PPP2R3B: variants seen among roughly 807,000 people sequenced by gnomAD.
PPP2R3B encodes serine/threonine-protein phosphatase 2A regulatory subunit B'' subunit beta.
A neutral mutation model predicts 72.9 loss-of-function variants in PPP2R3B; 68 were observed. The observed-to-expected ratio is 0.93, with a 90% confidence interval of 0.77 to 1.14. The LOEUF (loss-of-function observed/expected upper bound fraction) is 1.14. PPP2R3B is among the 50% of genes most tolerant of loss of function. PPP2R3B has a pLI of 0.00. For missense variants in PPP2R3B, 1,018 were observed against 842.0 expected (o/e 1.21, Z -2.59); for synonymous variants, 466 against 375.8 (o/e 1.24, Z -2.78).
At chrX:339,008 C>T (rs778047853) in intron 10 of PPP2R3B, 112 bp from the exon 11 acceptor site, 60 of 852,154 alleles carry the variant, frequency 7.0e-5, no homozygotes, top group East Asian at 3.6e-4. Flanking sequence ...CACGAAGCTC[C>T]GGGCTCTCAC....
At chrX:374,287 T>A (rs951965091) in intron 1 of PPP2R3B, among the ~76,000 whole-genome samples, 1 of 151,424 alleles carries the variant, frequency 6.6e-6, no homozygotes, top group African/African-American at 2.4e-5. Flanking sequence ...GGCTTGCCCC[T>A]CCAGAGCACA....
intron 2 of PPP2R3B, among the ~76,000 whole-genome samples, chrX:350,992 T>C (rs761688795): frequency 1.3e-5 from 2 of 151,570 alleles, no homozygotes; most frequent in East Asian, 3.9e-4. Context: ...TCCTGACAGG[T>C]GCAGGGCGGG....
In PPP2R3B at chrX:345,638, T is replaced by C. The variant is rs776854513; in HGVS notation, c.914A>G (p.Asn305Ser). ...GTACGAGAAGAATTCGGTCAGCTGGTTGATGTCCGCCTCCTCCTCCAGCAG... is the reference window on the plus strand; with the variant it reads ...GTACGAGAAGAATTCGGTCAGCTGGCTGATGTCCGCCTCCTCCTCCAGCAG... Reference protein sequence around the residue: ...VALLEEEADINQLTEFFSYEH... With the variant: ...VALLEEEADISQLTEFFSYEH... Residue 305 changes from asparagine to serine, a missense_variant, in exon 7 of 13, where the codon AAC becomes AGC. Transcript: ENST00000390665. 6.2e-7 allele frequency: 1 copy of C among 1,613,014 alleles called. No individual in the cohort carries two copies. Among genetic ancestry groups the C allele is most frequent in the South Asian group, 1.1e-5 (1 of 91,068 alleles).
chrX:343,697 G>A (rs1262875398), intron 7 of PPP2R3B, among the ~76,000 whole-genome samples: 1 of 76,026 alleles, frequency 1.3e-5, no homozygotes, highest in Admixed American at 1.1e-4. Flanking sequence ...CCAACGGGAG[G>A]CGGGAGTGAG....
chrX:373,708 G>A (rs1271621126), intron 1 of PPP2R3B: 1 of 150,806 alleles, frequency 6.6e-6, no homozygotes, highest in Non-Finnish European at 1.4e-5. Context: ...CCGCGCTCTC[G>A]GGGCAGGGCC....
intron 1 of PPP2R3B, among the ~76,000 whole-genome samples, chrX:374,761 C>G (rs1047451574): frequency 2.0e-5 from 3 of 152,172 alleles, no homozygotes; most frequent in African/African-American, 7.2e-5. Flanking sequence ...GTCACTATCA[C>G]CCCGAGTCAA....
In PPP2R3B at chrX:334,182, G is replaced by T; in HGVS notation, c.*185C>A. The stretch of plus-strand genomic sequence containing the variant: ...ACGCGCGGCCCTACGTGTCCCCCTG[G>T]CACAGAGCTCTGGGCAGGTCCAGCC... On this transcript the variant is annotated 3_prime_UTR_variant, in exon 13 of 13. Transcript: ENST00000390665. The T allele has an allele frequency of 1.6e-6, 1 of 632,550 alleles. No individual in the cohort carries two copies. Among genetic ancestry groups the T allele is most frequent in the Non-Finnish European group, 2.4e-6 (1 of 418,384 alleles). 39.2% of individuals were successfully genotyped at this position (632,550 alleles called of 1,614,324 possible). A position where few individuals can be genotyped will look rare whatever the true frequency, so the allele number is the denominator to read the frequency against.
At chrX:339,145 C>CG (rs11426714) in intron 10 of PPP2R3B, among the ~76,000 whole-genome samples, 111,210 of 151,130 alleles carry the variant, frequency 0.74, 41,365 homozygotes, top group Middle Eastern at 0.84. Flanking sequence ...TGGACTGGGA[C>CG]TAGCGCAGGG....
At chrX:347,427 C>T (rs980294954) in intron 3 of PPP2R3B, 91 bp from the exon 4 acceptor site, 97 of 1,387,580 alleles carry the variant, frequency 7.0e-5, no homozygotes, top group South Asian at 1.7e-4. Flanking sequence ...TGGTGTTCCA[C>T]GTGGTGCGTG....
chrX:346,840 GGA>G (rs2071227111), intron 4 of PPP2R3B, 65 bp from the exon 5 acceptor site: 1 of 1,432,388 alleles, frequency 7.0e-7, no homozygotes, highest in Non-Finnish European at 9.7e-7. Flanking sequence ...TGTGCGGTGT[GGA>G]CGCTGCAGAC....
chrX:373,268 T>A (rs1056776966), intron 1 of PPP2R3B, among the ~76,000 whole-genome samples: 7 of 151,988 alleles, frequency 4.6e-5, no homozygotes, highest in Non-Finnish European at 1.0e-4. Flanking sequence ...AAGGAGCGAG[T>A]GCTCTTTTCA....
At chrX:343,671 C>T in intron 7 of PPP2R3B, among the ~76,000 whole-genome samples, 1 of 54,868 alleles carries the variant, frequency 1.8e-5, no homozygotes, top group Admixed American at 1.6e-4. Context: ...CAACGGGAGG[C>T]GGGAGGGAGA....
chrX:334,704 C>CG (rs1301395070), intron 12 of PPP2R3B, 187 bp from the exon 13 acceptor site: 8 of 678,204 alleles, frequency 1.2e-5, no homozygotes, highest in Non-Finnish European at 1.8e-5. Flanking sequence ...CGAATGCTCC[C>CG]GGGGGAGGGG....
rs766417071 is a variant in PPP2R3B, at chrX:338,580, C to G, written c.1577+24G>C. 6.4e-6 allele frequency: 10 copies of G among 1,562,980 alleles called. No homozygotes were observed. The Admixed American group carries it at 1.1e-4, about 17-fold the overall frequency. On this transcript the variant is annotated intron_variant, in intron 12 of 12. Coordinates refer to ENST00000390665, the MANE Select transcript of PPP2R3B (RefSeq NM_013239.5). Reference sequence around the variant, plus strand: ...CCGTCCTCCCACTGACCCGTCCCCCCACTCACCCGTCCTCCCCACTCACCC... The same window carrying G: ...CCGTCCTCCCACTGACCCGTCCCCCGACTCACCCGTCCTCCCCACTCACCC...
rs189770625 is a variant in PPP2R3B at position 380,980 on chromosome X, G to A, written c.324+5388C>T. Among the ~76,000 whole-genome samples the A allele has an allele frequency of 5.2e-3, 782 of 149,242 alleles. 11 individuals carry two copies. Among genetic ancestry groups the A allele is most frequent in the African/African-American group, 0.018 (724 of 40,648 alleles). On this transcript the variant is annotated intron_variant, in intron 1 of 12. Coordinates refer to ENST00000390665, the MANE Select transcript of PPP2R3B (RefSeq NM_013239.5). ...AGACAGAGTCTCACTTTGTTGCCCC[G>A]GCGGGAGTGCACTGGCACAAACATA...
At chrX:351,294 C>T (rs2738341) in intron 2 of PPP2R3B, among the ~76,000 whole-genome samples, 107,995 of 151,920 alleles carry the variant, frequency 0.71, 39,960 homozygotes, top group Non-Finnish European at 0.82. Flanking sequence ...TAGTCCCACG[C>T]TTTTGACCTC....
At chrX:353,860 G>A (rs1474425038) in intron 2 of PPP2R3B, among the ~76,000 whole-genome samples, 1 of 132,662 alleles carries the variant, frequency 7.5e-6, no homozygotes, top group African/African-American at 2.9e-5. Flanking sequence ...GGGACCGGGG[G>A]CTCACCCAAA....
intron 2 of PPP2R3B, among the ~76,000 whole-genome samples, chrX:350,961 G>A (rs1348709508): frequency 6.6e-6 from 1 of 152,168 alleles, no homozygotes; most frequent in Non-Finnish European, 1.5e-5. Context: ...GGGACTGGAG[G>A]AATAAACTGT....
intron 1 of PPP2R3B, among the ~76,000 whole-genome samples, chrX:363,721 A>T (rs1222277258): frequency 6.6e-6 from 1 of 151,556 alleles, no homozygotes; most frequent in Non-Finnish European, 1.5e-5. Flanking sequence ...CGAGCCCACA[A>T]CGCATTCCCG....
Sources: gnomAD v4.1 joint callset for allele counts (sites outside exome capture counted in the v4.1 genomes callset) on GRCh38, gnomAD v4.1.1 for gene constraint, MANE v1.5 for transcripts, NCBI Gene and HGNC (gene_info 2026-07-23, HGNC 2026-07-21) for gene names.